DLG2: variants seen among roughly 807,000 people sequenced by gnomAD.
DLG2 encodes the protein disks large homolog 2.
Under a neutral mutation model 132.5 loss-of-function variants are expected in DLG2, and 45 were observed. That is an observed-to-expected ratio of 0.34 (90% confidence interval 0.27 to 0.44). The LOEUF (loss-of-function observed/expected upper bound fraction) is 0.44, where lower values mean the gene tolerates loss of function less well. Ranked by LOEUF, DLG2 falls within the 20% of genes least tolerant of loss-of-function variation. The pLI is 1.00. For synonymous variants in DLG2, 424 were observed against 419.6 expected, an observed-to-expected ratio of 1.01 and a Z score of -0.13; for missense variants, 1,045 against 1,196.9, an observed-to-expected ratio of 0.87 and a Z score of 1.87.
chr11:83,726,405 T>C (rs1168956680), intron 18 of DLG2, among the ~76,000 whole-genome samples: 1 of 152,168 alleles, frequency 6.6e-6, no homozygotes, highest in African/African-American at 2.4e-5. Flanking sequence ...TGAATTTCCT[T>C]CCCTCCCCAC....
At chr11:84,457,010 C>T (rs1287580136) in intron 7 of DLG2, among the ~76,000 whole-genome samples, 1 of 151,078 alleles carries the variant, frequency 6.6e-6, no homozygotes, top group Admixed American at 6.6e-5. Context: ...GCTAATAAGC[C>T]ATATTCAGAC....
intron 6 of DLG2, among the ~76,000 whole-genome samples, chr11:84,737,471 A>G (rs1776315524): frequency 1.3e-5 from 2 of 151,288 alleles, no homozygotes; most frequent in South Asian, 2.1e-4. Context: ...AAACCAAACT[A>G]TCTAGGTCAA....
intron 14 of DLG2, among the ~76,000 whole-genome samples, chr11:83,959,073 A>C (rs1388307270): frequency 6.6e-6 from 1 of 152,150 alleles, no homozygotes. Context: ...TCTACATCAC[A>C]ATGAATGCCG....
At chr11:84,934,791 CTTTG>C (rs1323885806) in intron 6 of DLG2, among the ~76,000 whole-genome samples, 1 of 151,810 alleles carries the variant, frequency 6.6e-6, no homozygotes, top group Admixed American at 6.6e-5. Flanking sequence ...AAGACTCAGA[CTTTG>C]TTTCTCTTGT....
chr11:83,802,073 T>G (rs184174018), intron 17 of DLG2, among the ~76,000 whole-genome samples: 1 of 152,170 alleles, frequency 6.6e-6, no homozygotes, highest in East Asian at 1.9e-4. Context: ...AAGACTTTTT[T>G]TTTTTCTTTT....
At chr11:83,759,375 C>T (rs746106596) in intron 18 of DLG2, among the ~76,000 whole-genome samples, 5 of 152,144 alleles carry the variant, frequency 3.3e-5, no homozygotes, top group Admixed American at 6.5e-5. Context: ...CAAGTACCTG[C>T]GGTGAATAGC....
chr11:84,759,514 G>A (rs117849329), intron 6 of DLG2, among the ~76,000 whole-genome samples: 146 of 152,234 alleles, frequency 9.6e-4, no homozygotes, highest in Non-Finnish European at 1.4e-3. Flanking sequence ...AGGCTTGAGC[G>A]TTTATGATAA....
In DLG2 at chr11:84,458,486, GTATTT is replaced by G. The variant is rs1480584602; in HGVS notation, c.519+76079_519+76083del. Among the ~76,000 whole-genome samples, 7 of 150,492 alleles carry G rather than the reference GTATTT, an allele frequency of 4.7e-5. No individual in the cohort carries two copies. In the East Asian group the frequency reaches 1.4e-3, roughly 29 times the overall value. ...GATAGCTTAAAATCAGTACCCATTG[GTATTT>G]TATTTATATTATCTTAAATGCTGTT... On this transcript the variant is annotated intron_variant, in intron 7 of 27. Coordinates refer to ENST00000376104, the MANE Select transcript of DLG2 (RefSeq NM_001142699.3).
intron 21 of DLG2, among the ~76,000 whole-genome samples, chr11:83,508,762 G>C (rs1241376865): frequency 1.3e-5 from 2 of 152,166 alleles, no homozygotes; most frequent in East Asian, 3.8e-4. Context: ...CTGAGGCTTA[G>C]AGAGATAACA....
intron 7 of DLG2, among the ~76,000 whole-genome samples, chr11:84,410,611 G>A (rs7115482): frequency 0.017 from 1,731 of 101,272 alleles, 30 homozygotes; most frequent in African/African-American, 0.057. Context: ...ATGAAGTTTC[G>A]CTTTTGTCGC....
At chr11:84,834,747 A>T (rs1170958975) in intron 6 of DLG2, among the ~76,000 whole-genome samples, 2 of 150,352 alleles carry the variant, frequency 1.3e-5, no homozygotes, top group Non-Finnish European at 3.0e-5. Context: ...ACTGTATGAG[A>T]TTTGGAGTAC....
chr11:85,060,165 G>C (rs1256122982), intron 6 of DLG2, among the ~76,000 whole-genome samples: 1 of 151,346 alleles, frequency 6.6e-6, no homozygotes, highest in Non-Finnish European at 1.5e-5. Flanking sequence ...GGCGACTTTA[G>C]ACACTTCACA....
At chr11:84,667,825 G>T (rs11234119) in intron 6 of DLG2, among the ~76,000 whole-genome samples, 34,628 of 151,620 alleles carry the variant, frequency 0.23, 4,257 homozygotes, top group East Asian at 0.43. Context: ...TAGTAACTAG[G>T]TTCCATTGCA....
At chr11:84,853,509 A>T (rs769113449) in intron 6 of DLG2, among the ~76,000 whole-genome samples, 3 of 152,114 alleles carry the variant, frequency 2.0e-5, no homozygotes, top group Non-Finnish European at 2.9e-5. Context: ...AAATAAGATA[A>T]ATATCATAAT....
chr11:84,960,887 T>C (rs1479696366), intron 6 of DLG2, among the ~76,000 whole-genome samples: 1 of 152,144 alleles, frequency 6.6e-6, no homozygotes, highest in Non-Finnish European at 1.5e-5. Context: ...CACCAAACTT[T>C]GCACAGCCCC....
intron 4 of DLG2, among the ~76,000 whole-genome samples, chr11:85,278,498 G>T (rs1239244084): frequency 1.3e-5 from 2 of 152,096 alleles, no homozygotes; most frequent in African/African-American, 2.4e-5. Flanking sequence ...TACTCAGGAG[G>T]CTGAGGCGGG....
intron 4 of DLG2, among the ~76,000 whole-genome samples, chr11:85,169,473 G>A (rs2078691884): frequency 6.6e-6 from 1 of 152,134 alleles, no homozygotes; most frequent in African/African-American, 2.4e-5. Flanking sequence ...AAAAAAGGAT[G>A]AGATGGCTAA....
chr11:84,481,079 C>G (rs776399413), intron 7 of DLG2, among the ~76,000 whole-genome samples: 1 of 151,908 alleles, frequency 6.6e-6, no homozygotes, highest in African/African-American at 2.4e-5. Flanking sequence ...ATAACTCCCT[C>G]TAGAATTGAG....
At chr11:85,211,262 T>A (rs577809548) in intron 4 of DLG2, among the ~76,000 whole-genome samples, 1 of 152,148 alleles carries the variant, frequency 6.6e-6, no homozygotes, top group Admixed American at 6.6e-5. Flanking sequence ...AAGTACTCAG[T>A]AGATCAAGGG....
Sources: allele counts gnomAD v4.1 joint callset (sites outside exome capture counted in the v4.1 genomes callset), GRCh38; gene constraint gnomAD v4.1.1; transcripts MANE v1.5; gene names NCBI Gene and HGNC (gene_info 2026-07-23, HGNC 2026-07-21).